Variants in MLLT10 observed in about 807,000 individuals in gnomAD.
MLLT10 encodes protein AF-10.
Under a neutral mutation model 129.1 loss-of-function variants are expected in MLLT10, and 30 were observed. The observed-to-expected ratio is 0.23, with a 90% confidence interval of 0.17 to 0.32. The LOEUF (loss-of-function observed/expected upper bound fraction) is 0.32, where lower values mean the gene tolerates loss of function less well. MLLT10 is among the 10% of genes least tolerant of loss of function. MLLT10 has a pLI of 1.00. For missense variants in MLLT10, 1,119 were observed against 1,268.3 expected (o/e 0.88, Z 1.79); for synonymous variants, 490 against 446.4 (o/e 1.10, Z -1.23).
intron 3 of MLLT10, chr10:21,556,580 C>T: frequency 2.3e-6 from 3 of 1,305,614 alleles, no homozygotes; most frequent in Non-Finnish European, 3.2e-6. Flanking sequence ...TTTTCTAGGG[C>T]AGGTGAGAGC....
intron 3 of MLLT10, among the ~76,000 whole-genome samples, chr10:21,544,151 A>G (rs991088335): frequency 6.6e-6 from 1 of 152,200 alleles, no homozygotes; most frequent in Non-Finnish European, 1.5e-5. Flanking sequence ...TAAGAGAGAT[A>G]GATGTTTTAT....
chr10:21,708,680 T>C (rs2055779160), intron 13 of MLLT10: 1 of 985,302 alleles, frequency 1.0e-6, no homozygotes, highest in Non-Finnish European at 1.2e-6. Context: ...TGATGTAATA[T>C]AAAAACAATT....
chr10:21,612,730 G>A (rs1425744339), intron 6 of MLLT10, among the ~76,000 whole-genome samples: 1 of 151,976 alleles, frequency 6.6e-6, no homozygotes, highest in Non-Finnish European at 1.5e-5. Context: ...CCTATCCTTC[G>A]ATTTGTTATT....
intron 7 of MLLT10, among the ~76,000 whole-genome samples, chr10:21,616,651 G>C (rs887196630): frequency 1.3e-5 from 2 of 151,912 alleles, no homozygotes; most frequent in African/African-American, 4.8e-5. Flanking sequence ...GAACTGCAGA[G>C]ATAAATTTTT....
chr10:21,542,574 A>AAT (rs943184487), intron 3 of MLLT10, among the ~76,000 whole-genome samples: 4 of 152,162 alleles, frequency 2.6e-5, no homozygotes, highest in East Asian at 1.9e-4. Flanking sequence ...GTCTCAAAAA[A>AAT]ATATATATAT....
chr10:21,730,819 A>G, intron 16 of MLLT10, 81 bp from the exon 17 acceptor site: 1 of 1,496,360 alleles, frequency 6.7e-7, no homozygotes, highest in South Asian at 1.1e-5. Flanking sequence ...ATACAGGAGA[A>G]AAGGGGTCAG....
intron 14 of MLLT10, among the ~76,000 whole-genome samples, chr10:21,714,168 T>A (rs528030710): frequency 6.4e-4 from 97 of 152,310 alleles, no homozygotes; most frequent in Non-Finnish European, 1.1e-3. Context: ...TCTTTTTAAT[T>A]TCTGGGTTTT....
intron 13 of MLLT10, among the ~76,000 whole-genome samples, chr10:21,712,509 AATTT>A (rs952606113): frequency 6.6e-6 from 1 of 152,186 alleles, no homozygotes; most frequent in Non-Finnish European, 1.5e-5. Flanking sequence ...TACAGTTGCT[AATTT>A]ATTTATTTAT....
intron 16 of MLLT10, among the ~76,000 whole-genome samples, chr10:21,729,132 A>G (rs1328298220): frequency 1.3e-5 from 2 of 152,152 alleles, no homozygotes; most frequent in Admixed American, 6.5e-5. Context: ...GAAACCAGGA[A>G]TCTGAAGAAC....
intron 14 of MLLT10, among the ~76,000 whole-genome samples, chr10:21,715,314 G>A (rs1380755749): frequency 6.6e-6 from 1 of 152,170 alleles, no homozygotes; most frequent in Non-Finnish European, 1.5e-5. Flanking sequence ...ATGATTAGTA[G>A]TATCGTCTTT....
At chr10:21,622,064 T>TC (rs1355710725) in intron 8 of MLLT10, among the ~76,000 whole-genome samples, 1 of 152,020 alleles carries the variant, frequency 6.6e-6, no homozygotes, top group Non-Finnish European at 1.5e-5. Context: ...GTACTAACTG[T>TC]AGTGCGAGCA....
chr10:21,741,275 C>G (rs77377727), intron 22 of MLLT10, among the ~76,000 whole-genome samples: 151 of 17,712 alleles, frequency 8.5e-3, no homozygotes, highest in African/African-American at 0.013. Flanking sequence ...AGTATTTTTT[C>G]CCCCCCAGTG....
At chr10:21,574,176 T>A (rs959031461) in intron 3 of MLLT10, among the ~76,000 whole-genome samples, 6 of 152,236 alleles carry the variant, frequency 3.9e-5, no homozygotes, top group Admixed American at 3.9e-4. Context: ...TCTCAGATTT[T>A]CTGTTTTATC....
chr10:21,617,157 A>G lies in MLLT10; in HGVS notation c.649A>G (p.Ser217Gly). ...GSNRSYDQSL[S>G]DSSSHSQDKH... ...TAATAGGTCATATGATCAAAGTTTAAGTGATTCTTCCTCTCACTCTCAGGA... is the reference window on the plus strand; with the variant it reads ...TAATAGGTCATATGATCAAAGTTTAGGTGATTCTTCCTCTCACTCTCAGGA... Residue 217 changes from serine (S) to glycine (G), a missense_variant, in exon 8 of 23, where the codon AGT (serine) becomes GGT (glycine). By Grantham distance (56) the Ser-to-Gly change is moderately conservative. Transcript: ENST00000307729. 6.5e-7 allele frequency: 1 copy of G among 1,544,748 alleles called. No homozygotes were observed. Among genetic ancestry groups the G allele is most frequent in the Admixed American group, 1.8e-5 (1 of 55,020 alleles).
intron 8 of MLLT10, chr10:21,625,120 C>T (rs2131245612): frequency 2.0e-6 from 2 of 989,464 alleles, no homozygotes; most frequent in African/African-American, 1.6e-5. Flanking sequence ...CCACCTCTCC[C>T]CCAACCTCTA....
At chr10:21,688,349 G>A (rs1360528228) in intron 13 of MLLT10, 6 of 676,582 alleles carry the variant, frequency 8.9e-6, no homozygotes, top group Non-Finnish European at 1.6e-5. Flanking sequence ...ATTTACATAG[G>A]TTTCATGGGG....
chr10:21,730,835 G>A (rs1320525230), intron 16 of MLLT10, 65 bp from the exon 17 acceptor site: 19 of 1,565,718 alleles, frequency 1.2e-5, no homozygotes, highest in Non-Finnish European at 1.4e-5. Flanking sequence ...GTCAGCTTAA[G>A]GTAAGAAACT....
At chr10:21,648,855 G>A (rs1316231327) in intron 8 of MLLT10, among the ~76,000 whole-genome samples, 1 of 152,166 alleles carries the variant, frequency 6.6e-6, no homozygotes, top group Non-Finnish European at 1.5e-5. Context: ...AGGAGACAAT[G>A]TGCAGGGGAA....
intron 13 of MLLT10, among the ~76,000 whole-genome samples, chr10:21,690,463 A>G (rs2053743817): frequency 6.6e-6 from 1 of 152,154 alleles, no homozygotes; most frequent in Non-Finnish European, 1.5e-5. Context: ...TATGTGTAGT[A>G]ACTTGAATGT....
Sources: gnomAD v4.1 joint callset for allele counts (sites outside exome capture counted in the v4.1 genomes callset) on GRCh38, gnomAD v4.1.1 for gene constraint, MANE v1.5 for transcripts, NCBI Gene and HGNC (gene_info 2026-07-23, HGNC 2026-07-21) for gene names.